The following TNFSF11 variants were observed in gnomAD, a reference collection of about 807,000 sequenced individuals.
TNFSF11 encodes the protein TNF superfamily member 11.
Under a neutral mutation model 32.2 loss-of-function variants are expected in TNFSF11, and 12 were observed. The observed-to-expected ratio is 0.37, with a 90% CI of 0.24 to 0.60. TNFSF11 has a LOEUF of 0.60. Ranked by LOEUF, TNFSF11 falls within the 20% of genes least tolerant of loss-of-function variation. TNFSF11 has a pLI of 0.66. For synonymous variants in TNFSF11, 172 were observed against 152.1 expected (o/e 1.13, Z -0.96); for missense variants, 345 against 398.0 (o/e 0.87, Z 1.13).
intron 2 of TNFSF11, among the ~76,000 whole-genome samples, chr13:42,593,195 CAT>C (rs768025629): frequency 2.6e-4 from 39 of 152,198 alleles, no homozygotes; most frequent in Non-Finnish European, 5.3e-4. Context: ...TGACACCTGT[CAT>C]GCGGGAAATT....
chr13:42,595,745 G>T (rs1868771625), intron 2 of TNFSF11, among the ~76,000 whole-genome samples: 1 of 152,222 alleles, frequency 6.6e-6, no homozygotes, highest in African/African-American at 2.4e-5. Context: ...AAGATAAAAT[G>T]TACATACATT....
At chr13:42,597,465 T>A (rs946444288) in intron 2 of TNFSF11, among the ~76,000 whole-genome samples, 1 of 151,230 alleles carries the variant, frequency 6.6e-6, no homozygotes, top group Non-Finnish European at 1.5e-5. Context: ...TCTGATTAAA[T>A]GGGAAAGAAA....
intron 4 of TNFSF11, 87 bp from the exon 5 acceptor site, chr13:42,606,409 AT>A: frequency 6.6e-7 from 1 of 1,513,796 alleles, no homozygotes; most frequent in South Asian, 1.1e-5. Context: ...CTGCTATACT[AT>A]TTTTTCTCCC....
At chr13:42,575,231 T>C (rs576385031) in intron 1 of TNFSF11, among the ~76,000 whole-genome samples, 1 of 152,338 alleles carries the variant, frequency 6.6e-6, no homozygotes, top group African/African-American at 2.4e-5. Context: ...GTGAGTGTGA[T>C]GGCACAGTGT....
In TNFSF11 at chr13:42,574,233, A is replaced by C; in HGVS notation, c.-71A>C. The C allele has an allele frequency of 5.3e-6, 8 of 1,521,880 alleles. No individual in the cohort carries two copies. The highest frequency in any genetic ancestry group is 7.1e-6 in the Non-Finnish European group (8 of 1,126,264). The allele number at this position is 1,521,880 out of a possible 1,614,324, so 94.3% of individuals were successfully genotyped here. ...GTCGAGGCTCCGCCGCAGCCTCCGG[A>C]GTTGGCCGCAGACAAGAAGGGGAGG... On this transcript the variant is annotated 5_prime_UTR_variant, in exon 1 of 5. Coordinates refer to ENST00000398795, the MANE Select transcript of TNFSF11 (RefSeq NM_003701.4).
intron 2 of TNFSF11, among the ~76,000 whole-genome samples, chr13:42,588,363 T>C (rs565447306): frequency 6.6e-6 from 1 of 152,302 alleles, no homozygotes; most frequent in Admixed American, 6.5e-5. Flanking sequence ...AGAGGTGGGC[T>C]TTTCTTTGTG....
At chr13:42,594,435 T>A (rs1178666189) in intron 2 of TNFSF11, among the ~76,000 whole-genome samples, 1 of 152,150 alleles carries the variant, frequency 6.6e-6, no homozygotes. Context: ...AAAACAATCT[T>A]AAAAACAACT....
intron 1 of TNFSF11, among the ~76,000 whole-genome samples, chr13:42,577,536 T>C (rs1242958788): frequency 6.6e-6 from 1 of 152,016 alleles, no homozygotes; most frequent in Non-Finnish European, 1.5e-5. Context: ...AGTTGCTCTG[T>C]GTGTGTGTGT....
chr13:42,577,050 T>C (rs9594782), intron 1 of TNFSF11, among the ~76,000 whole-genome samples: 6,347 of 152,326 alleles, frequency 0.042, 182 homozygotes, highest in Middle Eastern at 0.11. Flanking sequence ...AATAAATCAG[T>C]AGTTTTTTGA....
rs77263557 is a variant in TNFSF11 at position 42,566,057 on chromosome 13, C to T, written c.-301-564C>T. 6.6e-5 allele frequency among the ~76,000 whole-genome samples: 10 copies of T among 152,262 alleles called. No individual in the cohort carries two copies. In the South Asian group the frequency reaches 8.3e-4, roughly 13 times the overall value. ...GAGACAGTATAGGAATAGAAGAGCA[C>T]GGGCCAACTTCTGGACAAAATTATT... On this transcript the variant is annotated intron_variant, in intron 1 of 6. Transcript: ENST00000358545.
chr13:42,601,012 T>C (rs772711265), intron 4 of TNFSF11, 31 bp downstream of exon 4: 1 of 1,611,844 alleles, frequency 6.2e-7, no homozygotes, highest in East Asian at 2.2e-5. Context: ...GCCTGAAAAA[T>C]ATTTTAAGAG....
chr13:42,566,258 C>G (rs1377776711), intron 1 of TNFSF11, among the ~76,000 whole-genome samples: 2 of 152,186 alleles, frequency 1.3e-5, no homozygotes, highest in Admixed American at 6.5e-5. Context: ...CCTTCTTATG[C>G]TGCCATCCTG....
At chr13:42,605,006 A>G (rs1320588250) in intron 4 of TNFSF11, among the ~76,000 whole-genome samples, 1 of 152,046 alleles carries the variant, frequency 6.6e-6, no homozygotes, top group East Asian at 1.9e-4. Flanking sequence ...GCTGGTCTCG[A>G]ACTCCCGACC....
At chr13:42,599,212 A>C (rs1191209336) in intron 2 of TNFSF11, among the ~76,000 whole-genome samples, 1 of 152,180 alleles carries the variant, frequency 6.6e-6, no homozygotes, top group African/African-American at 2.4e-5. Flanking sequence ...GTAGATTCTT[A>C]TCTCTCTCTC....
Position 42,574,160 on chromosome 13 carries a change from G to C in TNFSF11, c.-144G>C, listed in dbSNP as rs201859220. 884 of 1,135,610 alleles carry C rather than the reference G, an allele frequency of 7.8e-4. 2 individuals carry two copies. The highest frequency in any genetic ancestry group is 4.0e-3 in the Middle Eastern group (14 of 3,484). 70.3% of individuals were successfully genotyped at this position (1,135,610 alleles called of 1,614,324 possible). A position where few individuals can be genotyped will look rare whatever the true frequency, so the allele number is the denominator to read the frequency against. ...GGGCTGCCGGGCGCCCTGCCCGCTC[G>C]CCCGCGCGCCCCAGGACCCAAAGCC... On this transcript the variant is annotated 5_prime_UTR_variant, in exon 1 of 5. Transcript: ENST00000398795.
At chr13:42,597,244 T>C (rs949890104) in intron 2 of TNFSF11, among the ~76,000 whole-genome samples, 1 of 151,956 alleles carries the variant, frequency 6.6e-6, no homozygotes, top group African/African-American at 2.4e-5. Context: ...GGAATTGCAA[T>C]CCTTCAACAC....
chr13:42,574,686 A>G (rs1297604388), intron 1 of TNFSF11, among the ~76,000 whole-genome samples, 164 bp downstream of exon 1: 1 of 151,748 alleles, frequency 6.6e-6, no homozygotes, highest in African/African-American at 2.4e-5. Flanking sequence ...TTTGGGGACA[A>G]CCTGGCGCAG....
Position 42,583,122 on chromosome 13 carries a change from C to T in TNFSF11, c.387+1829C>T, listed in dbSNP as rs112054573. 1.5e-3 allele frequency among the ~76,000 whole-genome samples: 232 copies of T among 151,954 alleles called. 1 individual carries two copies. The highest frequency in any genetic ancestry group is 5.4e-3 in the African/African-American group (225 of 41,430). ...TTAATTCTGAAAATAAATAATATTA[C>T]GAACAAGGGCAGGCACGGTGGCTCA... On this transcript the variant is annotated intron_variant, in intron 2 of 4. Transcript: ENST00000398795.
intron 4 of TNFSF11, among the ~76,000 whole-genome samples, chr13:42,603,344 T>G (rs1465582287): frequency 6.6e-6 from 1 of 152,088 alleles, no homozygotes; most frequent in Non-Finnish European, 1.5e-5. Flanking sequence ...GGGACTGAAG[T>G]GTAGGGCAGG....
Sources: gnomAD v4.1 joint callset for allele counts (sites outside exome capture counted in the v4.1 genomes callset) on GRCh38, gnomAD v4.1.1 for gene constraint, MANE v1.5 for transcripts, NCBI Gene and HGNC (gene_info 2026-07-23, HGNC 2026-07-21) for gene names.